The following TANGO6 variants were observed in gnomAD, a reference collection of about 807,000 sequenced individuals.
TANGO6 encodes the protein transport and golgi organization 6 homolog, also known as transport and Golgi organization protein 6 homolog.
Under a neutral mutation model 114.2 loss-of-function variants are expected in TANGO6, and 90 were observed. The ratio of observed to expected loss-of-function variants is 0.79; its 90% CI spans 0.66 to 0.94. TANGO6 has a LOEUF of 0.94. Among genes scored for constraint, TANGO6 ranks in the 40% least tolerant of loss-of-function variants. The probability of loss-of-function intolerance (pLI) is 0.00; values close to 1 mark genes in which losing one functional copy is unlikely to be tolerated. For synonymous variants in TANGO6, 477 were observed against 509.8 expected (o/e 0.94, Z 0.87); for missense variants, 1,274 against 1,315.3 (o/e 0.97, Z 0.49).
intron 7 of TANGO6, among the ~76,000 whole-genome samples, chr16:68,881,314 G>A (rs1339067881): frequency 6.6e-6 from 1 of 152,090 alleles, no homozygotes; most frequent in Non-Finnish European, 1.5e-5. Flanking sequence ...CGGAGTTCAA[G>A]ACCAGCCTGG....
chr16:68,873,344 G>T (rs966823188), intron 4 of TANGO6, among the ~76,000 whole-genome samples: 1 of 151,910 alleles, frequency 6.6e-6, no homozygotes, highest in African/African-American at 2.4e-5. Flanking sequence ...ACAGAGTTTT[G>T]CTCTTGTCAC....
At chr16:68,887,305 G>T (rs544366770) in intron 7 of TANGO6, among the ~76,000 whole-genome samples, 1 of 152,322 alleles carries the variant, frequency 6.6e-6, no homozygotes, top group African/African-American at 2.4e-5. Flanking sequence ...CACCCCAGAG[G>T]CTGTGCACTA....
At chr16:68,993,321 A>G (rs539396530) in intron 15 of TANGO6, among the ~76,000 whole-genome samples, 2 of 152,284 alleles carry the variant, frequency 1.3e-5, no homozygotes, top group East Asian at 1.9e-4. Flanking sequence ...TTCTCATCTC[A>G]CTATTCTAAT....
chr16:68,979,364 G>C (rs1963800634), intron 15 of TANGO6, among the ~76,000 whole-genome samples: 1 of 151,996 alleles, frequency 6.6e-6, no homozygotes, highest in East Asian at 1.9e-4. Flanking sequence ...CGAGTAGCTG[G>C]GACTACAGGC....
chr16:68,913,565 T>A (rs972986615), intron 11 of TANGO6, among the ~76,000 whole-genome samples: 2 of 151,642 alleles, frequency 1.3e-5, no homozygotes, highest in African/African-American at 4.8e-5. Flanking sequence ...CCTGACACCA[T>A]GCCTGGCTAA....
At chr16:68,970,766 A>T (rs926664728) in intron 14 of TANGO6, among the ~76,000 whole-genome samples, 1 of 152,206 alleles carries the variant, frequency 6.6e-6, no homozygotes, top group Non-Finnish European at 1.5e-5. Flanking sequence ...TTATAAAGCA[A>T]ATCCCATTTT....
intron 14 of TANGO6, among the ~76,000 whole-genome samples, chr16:68,967,031 C>T (rs1003286167): frequency 6.6e-6 from 1 of 152,114 alleles, no homozygotes; most frequent in African/African-American, 2.4e-5. Context: ...TTCAGCCTCC[C>T]GAAGTGCTGG....
rs1246486718 is a variant in TANGO6, at chr16:69,057,345, A to G, written c.3108+16924A>G. 3.3e-5 allele frequency among the ~76,000 whole-genome samples: 5 copies of G among 152,272 alleles called. No homozygotes were observed. The East Asian group carries it at 9.6e-4, about 29-fold the overall frequency. On this transcript the variant is annotated intron_variant, in intron 17 of 17. Coordinates refer to ENST00000261778, the MANE Select transcript of TANGO6 (RefSeq NM_024562.2). ...CAGCACTTATATCTGTGTGCTTTAC[A>G]TTAATTAATTCACCAGATCCTTATA... is the stretch of plus-strand genomic sequence containing the variant.
At position 68,843,535 on chromosome 16, in the gene TANGO6, C is replaced by G; in HGVS notation, c.-83C>G. ...GCCCCGCCCCATAGTGTGCCCAGAGCCTTCTGCCACACTTAACATGGCGGC... is the reference window on the plus strand; with the variant it reads ...GCCCCGCCCCATAGTGTGCCCAGAGGCTTCTGCCACACTTAACATGGCGGC... On this transcript the variant is annotated 5_prime_UTR_variant, in exon 1 of 18. Transcript: ENST00000261778. 2.9e-6 allele frequency: 4 copies of G among 1,358,614 alleles called. No individual in the cohort carries two copies. Among genetic ancestry groups the G allele is most frequent in the Non-Finnish European group, 4.1e-6 (4 of 968,382 alleles). 84.2% of individuals were successfully genotyped at this position (1,358,614 alleles called of 1,614,324 possible).
chr16:69,055,015 T>C (rs1487692918), intron 17 of TANGO6, among the ~76,000 whole-genome samples: 1 of 148,230 alleles, frequency 6.7e-6, no homozygotes, highest in Non-Finnish European at 1.5e-5. Context: ...AACTTAAAGA[T>C]GCCAATTTTT....
At chr16:69,066,698 G>T (rs925439807) in intron 17 of TANGO6, among the ~76,000 whole-genome samples, 2 of 152,122 alleles carry the variant, frequency 1.3e-5, no homozygotes, top group African/African-American at 4.8e-5. Flanking sequence ...TGATGATAGT[G>T]AAATACTCTC....
At chr16:69,076,718 A>G (rs1960385440) in intron 17 of TANGO6, among the ~76,000 whole-genome samples, 1 of 152,166 alleles carries the variant, frequency 6.6e-6, no homozygotes, top group Admixed American at 6.5e-5. Flanking sequence ...ACTTGCTTCT[A>G]GCCTTGTTGC....
chr16:69,062,843 C>T (rs532578768), intron 17 of TANGO6, among the ~76,000 whole-genome samples: 7 of 149,232 alleles, frequency 4.7e-5, no homozygotes, highest in African/African-American at 1.5e-4. Context: ...TGCCTGTAAT[C>T]CTAGCACTTT....
intron 3 of TANGO6, among the ~76,000 whole-genome samples, chr16:68,863,967 G>T (rs557916551): frequency 6.6e-6 from 1 of 152,160 alleles, no homozygotes; most frequent in African/African-American, 2.4e-5. Flanking sequence ...CTCAGGCCAG[G>T]AGTTCGAGAC....
At chr16:69,036,954 C>T (rs1347202914) in intron 16 of TANGO6, among the ~76,000 whole-genome samples, 1 of 150,040 alleles carries the variant, frequency 6.7e-6, no homozygotes, top group Non-Finnish European at 1.5e-5. Context: ...CACAGTGAGA[C>T]TTTGTCTCAC....
intron 17 of TANGO6, among the ~76,000 whole-genome samples, chr16:69,081,596 C>T (rs1960466438): frequency 6.6e-6 from 1 of 152,014 alleles, no homozygotes; most frequent in Non-Finnish European, 1.5e-5. Context: ...CTACCTTGGC[C>T]TCCCAAGTGC....
chr16:69,063,655 A>C (rs1165279668), intron 17 of TANGO6, among the ~76,000 whole-genome samples: 3 of 147,514 alleles, frequency 2.0e-5, no homozygotes, highest in Admixed American at 7.3e-5. Context: ...AAAAAAAAAA[A>C]AAAAAAAAAA....
At chr16:68,934,898 TTG>T (rs1963285235) in intron 14 of TANGO6, among the ~76,000 whole-genome samples, 1 of 152,100 alleles carries the variant, frequency 6.6e-6, no homozygotes, top group African/African-American at 2.4e-5. Flanking sequence ...GCTGTTGGTG[TTG>T]TGTTTGTTTT....
intron 1 of TANGO6, among the ~76,000 whole-genome samples, chr16:68,853,287 A>C (rs1961934973): frequency 6.6e-6 from 1 of 152,068 alleles, no homozygotes; most frequent in Admixed American, 6.6e-5. Flanking sequence ...AAAAAAAAAA[A>C]AAAAGCATAT....
Sources: allele counts gnomAD v4.1 joint callset (sites outside exome capture counted in the v4.1 genomes callset), GRCh38; gene constraint gnomAD v4.1.1; transcripts MANE v1.5; gene names NCBI Gene and HGNC (gene_info 2026-07-23, HGNC 2026-07-21).